The following AJM1 variants were observed in gnomAD, a reference collection of about 807,000 sequenced individuals.
The protein encoded by AJM1 is apical junction component 1 homolog, also known as uncharacterized protein C9orf172.
Under a neutral mutation model 43.0 loss-of-function variants are expected in AJM1, and 22 were observed. The observed-to-expected ratio is 0.51, with a 90% CI of 0.37 to 0.73. The LOEUF is 0.73. AJM1 is among the 30% of genes least tolerant of loss of function. The probability of loss-of-function intolerance (pLI) is 0.00; values close to 1 mark genes in which losing one functional copy is unlikely to be tolerated. For synonymous variants in AJM1, 719 were observed against 638.3 expected, an observed-to-expected ratio of 1.13 and a Z score of -1.91; for missense variants, 1,305 against 1,343.3, an observed-to-expected ratio of 0.97 and a Z score of 0.45.
At position 136,845,642 on chromosome 9, in the gene AJM1, C is replaced by T. The variant is rs1192434217; in HGVS notation, c.1228C>T (p.Arg410Cys). ...AWADWGPRPY[R>C]TLQVVPPSDP... ...GGCGGACTGGGGCCCGCGACCGTAC[C>T]GCACCCTGCAAGTGGTGCCGCCCTC... is the stretch of plus-strand genomic sequence containing the variant. Residue 410 changes from arginine to cysteine, a missense_variant, in exon 3 of 3, where the codon CGC (arginine) becomes TGC (cysteine). By Grantham distance (180) the Arg-to-Cys change is radical (BLOSUM62 -3). Coordinates refer to ENST00000436881, the MANE Select transcript of AJM1 (RefSeq NM_001080482.5). The T allele has an allele frequency of 1.9e-6, 3 of 1,578,256 alleles. No homozygotes were observed. Among genetic ancestry groups the T allele is most frequent in the Admixed American group, 1.8e-5 (1 of 57,116 alleles).
rs916001697 is a variant in AJM1 at position 136,847,421 on chromosome 9, C to T, written c.*76C>T. The T allele has an allele frequency of 7.5e-6, 9 of 1,195,918 alleles. No individual in the cohort carries two copies. In the East Asian group the frequency reaches 9.3e-5, roughly 12 times the overall value. The allele number at this position is 1,195,918 out of a possible 1,614,324, so 74.1% of individuals were successfully genotyped here. On this transcript the variant is annotated 3_prime_UTR_variant, in exon 3 of 3. Coordinates refer to ENST00000436881, the MANE Select transcript of AJM1 (RefSeq NM_001080482.5). ...GCCCACTCAGGCCCCGCCCGGCCCA[C>T]CCAGGGCCGCCCCCGAGCCCCGCCA...
In AJM1 at chr9:136,847,455, C is replaced by A; in HGVS notation, c.*110C>A. The A allele has an allele frequency of 1.2e-6, 1 of 864,348 alleles. No individual in the cohort carries two copies. The highest frequency in any genetic ancestry group is 1.6e-6 in the Non-Finnish European group (1 of 607,984). 53.5% of individuals were successfully genotyped at this position (864,348 alleles called of 1,614,324 possible). A position where few individuals can be genotyped will look rare whatever the true frequency, so the allele number is the denominator to read the frequency against. ...GCCCCCGAGCCCCGCCAGGGCCCCACCCCGACTTCTTCTAGGCCCCGCCTC... is the reference window on the plus strand; with the variant it reads ...GCCCCCGAGCCCCGCCAGGGCCCCAACCCGACTTCTTCTAGGCCCCGCCTC... On this transcript the variant is annotated 3_prime_UTR_variant, in exon 3 of 3. Transcript: ENST00000436881.
rs1168234686 is a variant in AJM1 at position 136,844,761 on chromosome 9, G to A, written c.347G>A (p.Arg116Gln). ...GCCTCGCCGCCGGTGTTGCCCCGCCGAGGGCGGGAGGCCCAGCGTGCGGCG... is the reference window on the plus strand; with the variant it reads ...GCCTCGCCGCCGGTGTTGCCCCGCCAAGGGCGGGAGGCCCAGCGTGCGGCG... ...APASPPVLPR[R>Q]GREAQRAARA... Residue 116 changes from arginine (R) to glutamine (Q), a missense_variant, in exon 3 of 3, where the codon CGA becomes CAA. By Grantham distance (43) the Arg-to-Gln change is conservative. This residue lies in a region of AJM1 where 653 missense variants were observed against 549.1 expected (regional missense o/e 1.19). Coordinates refer to ENST00000436881, the MANE Select transcript of AJM1 (RefSeq NM_001080482.5). The A allele has an allele frequency of 2.5e-6, 1 of 401,756 alleles. No homozygotes were observed. The highest frequency in any genetic ancestry group is 9.5e-5 in the South Asian group (1 of 10,520). The allele number at this position is 401,756 out of a possible 1,614,324, so 24.9% of individuals were successfully genotyped here.
chr9:136,846,778 C>T lies in AJM1; in HGVS notation c.2364C>T (p.His788=). The T allele has an allele frequency of 6.3e-7, 1 of 1,595,448 alleles. No individual in the cohort carries two copies. Among genetic ancestry groups the T allele is most frequent in the South Asian group, 1.1e-5 (1 of 90,360 alleles). Reference sequence around the variant, plus strand: ...TATCGCTGCGTGAGCTGGCCACACACGCGGCGCCCCTGGGCAGCTACGCGC... The same window carrying T: ...TATCGCTGCGTGAGCTGGCCACACATGCGGCGCCCCTGGGCAGCTACGCGC... ...TYLSLRELAT[H]AAPLGSYARE... The change falls in exon 3 of 3, where the codon CAC becomes CAT. Residue 788 remains histidine (H), a synonymous_variant. Transcript: ENST00000436881.
rs1258711965 is a variant in AJM1, at chr9:136,847,327, G to T, written c.2913G>T (p.Leu971=). The T allele has an allele frequency of 1.3e-6, 2 of 1,525,100 alleles. No individual in the cohort carries two copies. The highest frequency in any genetic ancestry group is 5.1e-5 in the East Asian group (2 of 39,362). The allele number at this position is 1,525,100 out of a possible 1,614,324, so 94.5% of individuals were successfully genotyped here. ...RALDWVASAN[L]LDDIM is the part of the protein sequence containing the mutation. ...TCGACTGGGTGGCCAGCGCCAACCT[G>T]CTGGACGACATCATGTGAGGCGCCG... Residue 971 remains leucine (L), a synonymous_variant, in exon 3 of 3, where the codon CTG becomes CTT. Coordinates refer to ENST00000436881, the MANE Select transcript of AJM1 (RefSeq NM_001080482.5).
In AJM1 at chr9:136,847,369, C is replaced by T. The variant is rs1160131788; in HGVS notation, c.*24C>T. 2.0e-6 allele frequency: 3 copies of T among 1,471,118 alleles called. No individual in the cohort carries two copies. The highest frequency in any genetic ancestry group is 2.7e-5 in the East Asian group (1 of 37,086). The allele number at this position is 1,471,118 out of a possible 1,614,324, so 91.1% of individuals were successfully genotyped here. On this transcript the variant is annotated 3_prime_UTR_variant, in exon 3 of 3. Coordinates refer to ENST00000436881, the MANE Select transcript of AJM1 (RefSeq NM_001080482.5). ...GAGGCGCCGGGCCCACCAGGCCTAG[C>T]CCAGGCGCTGGCCCGAACCCTGCCC... is the stretch of plus-strand genomic sequence containing the variant.
Position 136,845,298 on chromosome 9 carries a change from C to T in AJM1, c.884C>T (p.Ala295Val). ...CCCCAAGGCTTCCGGGGCAGCTTTGCAGCCAGTCCCGGCCCAACCTTCGAC... is the reference window on the plus strand; with the variant it reads ...CCCCAAGGCTTCCGGGGCAGCTTTGTAGCCAGTCCCGGCCCAACCTTCGAC... ...EEPQGFRGSF[A>V]ASPGPTFDAY... is the part of the protein sequence containing the mutation. The change falls in exon 3 of 3, where the codon GCA (alanine) becomes GTA (valine). Residue 295 changes from alanine to valine, a missense_variant. Transcript: ENST00000436881. The T allele has an allele frequency of 6.2e-7, 1 of 1,611,260 alleles. No homozygotes were observed. Among genetic ancestry groups the T allele is most frequent in the Non-Finnish European group, 8.5e-7 (1 of 1,179,770 alleles).
rs778916510 is a variant in AJM1, at chr9:136,847,234, C to T, written c.2820C>T (p.Tyr940=). Residue 940 remains tyrosine, a synonymous_variant, in exon 3 of 3, where the codon TAC becomes TAT. Transcript: ENST00000436881. ...ANRRFTPTTI[Y]PTDRRTGRPF... ...GGCGCTTCACGCCCACCACCATCTA[C>T]CCCACGGACCGGCGCACCGGCCGCC... The T allele has an allele frequency of 6.2e-7, 1 of 1,605,114 alleles. No individual in the cohort carries two copies. The highest frequency in any genetic ancestry group is 8.5e-7 in the Non-Finnish European group (1 of 1,178,540).
Position 136,846,805 on chromosome 9 carries a change from C to G in AJM1, c.2391C>G (p.Arg797=), listed in dbSNP as rs772053469. 1.3e-6 allele frequency: 2 copies of G among 1,592,216 alleles called. No individual in the cohort carries two copies. The highest frequency in any genetic ancestry group is 1.7e-6 in the Non-Finnish European group (2 of 1,175,640). ...CGGCGCCCCTGGGCAGCTACGCGCG[C>G]GAGCTGGCGGCCGCTGGGCGCCTCT... is the stretch of plus-strand genomic sequence containing the variant. The part of the protein sequence containing the change: ...THAAPLGSYA[R]ELAAAGRLYE... Residue 797 remains arginine (R), a synonymous_variant, in exon 3 of 3, where the codon CGC becomes CGG. Coordinates refer to ENST00000436881, the MANE Select transcript of AJM1 (RefSeq NM_001080482.5).
In AJM1 at chr9:136,846,946, G is replaced by A. The variant is rs758126209; in HGVS notation, c.2532G>A (p.Val844=). The A allele has an allele frequency of 2.9e-5, 39 of 1,367,054 alleles. No individual in the cohort carries two copies. Among genetic ancestry groups the A allele is most frequent in the Non-Finnish European group, 3.6e-5 (38 of 1,045,856 alleles). The allele number at this position is 1,367,054 out of a possible 1,614,324, so 84.7% of individuals were successfully genotyped here. A position where few individuals can be genotyped will look rare whatever the true frequency, so the allele number is the denominator to read the frequency against. The change falls in exon 3 of 3, where the codon GTG becomes GTA. Residue 844 remains valine (V), a synonymous_variant. Coordinates refer to ENST00000436881, the MANE Select transcript of AJM1 (RefSeq NM_001080482.5). ...CGCCACGCAGCCACGGGCCAACAGT[G>A]CGCAAGTTCGCCAAGGTAGCGCTGG... ...APAPRSHGPT[V]RKFAKVALAA...
Position 136,846,412 on chromosome 9 carries a change from C to T in AJM1, c.1998C>T (p.Ser666=), listed in dbSNP as rs573125647. 1.7e-5 allele frequency: 27 copies of T among 1,590,830 alleles called. No individual in the cohort carries two copies. The East Asian group carries it at 1.8e-4, about 11-fold the overall frequency. ...SADEDDLMTC[S]NARCRRTETM... ...ACGAGGACGACCTGATGACCTGCTC[C>T]AATGCGCGCTGCCGGCGCACCGAGA... The change falls in exon 3 of 3, where the codon TCC becomes TCT. Residue 666 remains serine (S), a synonymous_variant. Coordinates refer to ENST00000436881, the MANE Select transcript of AJM1 (RefSeq NM_001080482.5).
rs758657591 is a variant in AJM1, at chr9:136,846,640, C to A, written c.2226C>A (p.Val742=). 3 of 1,597,586 alleles carry A rather than the reference C, an allele frequency of 1.9e-6. No homozygotes were observed. Among genetic ancestry groups the A allele is most frequent in the African/African-American group, 1.3e-5 (1 of 74,828 alleles). The change falls in exon 3 of 3, where the codon GTC becomes GTA. Residue 742 remains valine, a synonymous_variant. Coordinates refer to ENST00000436881, the MANE Select transcript of AJM1 (RefSeq NM_001080482.5). ...VHRAFSRIAR[V]GFLSRGRGVL... is the part of the protein sequence containing the mutation. The stretch of plus-strand genomic sequence containing the variant: ...GCGCTTTCTCGCGCATCGCGCGTGT[C>A]GGCTTCCTGTCGCGCGGCCGCGGCG...
chr9:136,846,275 T>C lies in AJM1; in HGVS notation c.1861T>C (p.Ser621Pro), dbSNP rs1848773422. 3 of 1,233,580 alleles carry C rather than the reference T, an allele frequency of 2.4e-6. No homozygotes were observed. Among genetic ancestry groups the C allele is most frequent in the African/African-American group, 1.6e-5 (1 of 62,798 alleles). The allele number at this position is 1,233,580 out of a possible 1,614,324, so 76.4% of individuals were successfully genotyped here. A position where few individuals can be genotyped will look rare whatever the true frequency, so the allele number is the denominator to read the frequency against. Residue 621 changes from serine (S) to proline (P), a missense_variant, in exon 3 of 3, where the codon TCC (serine) becomes CCC (proline). By Grantham distance (74) the Ser-to-Pro change is moderately conservative. Around this residue, in one of 6 missense-constraint regions of AJM1, gnomAD observed 391 missense variants for 507.5 expected, o/e 0.77. Transcript: ENST00000436881. Reference protein sequence around the residue: ...RRLLDSRPAGSGAPALAPPRS... With the variant: ...RRLLDSRPAGPGAPALAPPRS... ...ACTGCTGGACTCGCGGCCCGCGGGC[T>C]CCGGGGCCCCCGCGCTGGCGCCGCC...
Position 136,846,847 on chromosome 9 carries a change from C to T in AJM1, c.2433C>T (p.Cys811=). ...GGCGCCTCTACGAACCGGCAGAGTG[C>T]TTCCTGCTCAGCGTGTCCGTGGCCG... ...AAGRLYEPAE[C]FLLSVSVAVG... Residue 811 remains cysteine, a synonymous_variant, in exon 3 of 3, where the codon TGC becomes TGT. Transcript: ENST00000436881. 1 of 1,583,042 alleles carries T rather than the reference C, an allele frequency of 6.3e-7. No individual in the cohort carries two copies. The highest frequency in any genetic ancestry group is 1.1e-5 in the South Asian group (1 of 88,612).
At position 136,846,970 on chromosome 9, in the gene AJM1, G is replaced by A; in HGVS notation, c.2556G>A (p.Leu852=). The A allele has an allele frequency of 7.7e-7, 1 of 1,295,980 alleles. No individual in the cohort carries two copies. The highest frequency in any genetic ancestry group is 1.6e-5 in the South Asian group (1 of 62,706). The allele number at this position is 1,295,980 out of a possible 1,614,324, so 80.3% of individuals were successfully genotyped here. The stretch of plus-strand genomic sequence containing the variant: ...TGCGCAAGTTCGCCAAGGTAGCGCT[G>A]GCGGCCGGCAGCCCCGCGCGGCCGC... ...PTVRKFAKVA[L]AAGSPARPPP... The change falls in exon 3 of 3, where the codon CTG becomes CTA. Residue 852 remains leucine, a synonymous_variant. Transcript: ENST00000436881.
In AJM1 at chr9:136,847,464, C is replaced by T. The variant is rs1386151595; in HGVS notation, c.*119C>T. On this transcript the variant is annotated 3_prime_UTR_variant, in exon 3 of 3. Transcript: ENST00000436881. The stretch of plus-strand genomic sequence containing the variant: ...CCCCGCCAGGGCCCCACCCCGACTT[C>T]TTCTAGGCCCCGCCTCTAATTCCCC... 4.0e-6 allele frequency: 3 copies of T among 759,398 alleles called. No individual in the cohort carries two copies. The highest frequency in any genetic ancestry group is 3.9e-4 in the Middle Eastern group (1 of 2,544). 47.0% of individuals were successfully genotyped at this position (759,398 alleles called of 1,614,324 possible).
rs768954361 is a variant in AJM1 at position 136,845,320 on chromosome 9, C to T, written c.906C>T (p.Phe302=). The change falls in exon 3 of 3, where the codon TTC becomes TTT. Residue 302 remains phenylalanine, a synonymous_variant. Coordinates refer to ENST00000436881, the MANE Select transcript of AJM1 (RefSeq NM_001080482.5). ...TTGCAGCCAGTCCCGGCCCAACCTT[C>T]GACGCCTACTACCCCAGGCCCTATC... ...GSFAASPGPT[F]DAYYPRPYPS... 3.1e-6 allele frequency: 5 copies of T among 1,612,140 alleles called. No homozygotes were observed. In the South Asian group the frequency reaches 5.5e-5, roughly 18 times the overall value.
rs1441977782 is a variant in AJM1, at chr9:136,845,306, C to T, written c.892C>T (p.Pro298Ser). The change falls in exon 3 of 3, where the codon CCC becomes TCC. Residue 298 changes from proline to serine, a missense_variant. This residue lies in a region of AJM1 where 653 missense variants were observed against 549.1 expected (regional missense o/e 1.19). Coordinates refer to ENST00000436881, the MANE Select transcript of AJM1 (RefSeq NM_001080482.5). Reference sequence around the variant, plus strand: ...CTTCCGGGGCAGCTTTGCAGCCAGTCCCGGCCCAACCTTCGACGCCTACTA... The same window carrying T: ...CTTCCGGGGCAGCTTTGCAGCCAGTTCCGGCCCAACCTTCGACGCCTACTA... ...QGFRGSFAAS[P>S]GPTFDAYYPR... The T allele has an allele frequency of 1.9e-6, 3 of 1,611,774 alleles. No homozygotes were observed. The highest frequency in any genetic ancestry group is 4.5e-5 in the East Asian group (2 of 44,880).
chr9:136,846,657 G>A lies in AJM1; in HGVS notation c.2243G>A (p.Gly748Asp). Residue 748 changes from glycine to aspartate, a missense_variant, in exon 3 of 3, where the codon GGC (glycine) becomes GAC (aspartate). Gly to Asp is a moderately conservative substitution (Grantham distance 94). Coordinates refer to ENST00000436881, the MANE Select transcript of AJM1 (RefSeq NM_001080482.5). ...GCGCGTGTCGGCTTCCTGTCGCGCG[G>A]CCGCGGCGTGCTCTTCCTGGGCTTC... ...RIARVGFLSR[G>D]RGVLFLGFPS... The A allele has an allele frequency of 6.3e-7, 1 of 1,599,516 alleles. No homozygotes were observed. Among genetic ancestry groups the A allele is most frequent in the South Asian group, 1.1e-5 (1 of 90,736 alleles).
Sources: gnomAD v4.1 joint callset for allele counts on GRCh38, gnomAD v4.1.1 for gene constraint, gnomAD v4.1.1 regional missense constraint, MANE v1.5 for transcripts, NCBI Gene and HGNC (gene_info 2026-07-23, HGNC 2026-07-21) for gene names.